Variants in DCDC1 observed in about 807,000 individuals in gnomAD.
DCDC1 encodes doublecortin domain containing 1.
DCDC1 carries 200 observed loss-of-function variants against 178.3 expected under a neutral mutation model. That is an observed-to-expected ratio of 1.12 (90% CI 1.00 to 1.26). The LOEUF is 1.26. Ranked by LOEUF, DCDC1 falls within the 50% of genes most tolerant of loss-of-function variation. DCDC1 has a pLI of 0.00. For missense variants in DCDC1, 1,983 were observed against 1,749.2 expected, an observed-to-expected ratio of 1.13 and a Z score of -2.38; for synonymous variants, 690 against 604.8, an observed-to-expected ratio of 1.14 and a Z score of -2.07.
intron 9 of DCDC1, among the ~76,000 whole-genome samples, chr11:31,169,757 C>A (rs931451267): frequency 1.3e-5 from 2 of 152,100 alleles, no homozygotes; most frequent in African/African-American, 4.8e-5. Flanking sequence ...AAACACAAGG[C>A]AGAAAGTAGT....
intron 9 of DCDC1, among the ~76,000 whole-genome samples, chr11:31,176,981 A>G (rs1224689503): frequency 1.3e-5 from 2 of 152,180 alleles, no homozygotes; most frequent in African/African-American, 4.8e-5. Context: ...TAATAGAAGT[A>G]AATTCATAAA....
rs774593672 is a variant in DCDC1, at chr11:30,915,499, T to C, written c.3653+12A>G. 3.7e-6 allele frequency: 6 copies of C among 1,613,600 alleles called. No homozygotes were observed. The highest frequency in any genetic ancestry group is 5.1e-6 in the Non-Finnish European group (6 of 1,179,708). ...CCTTTTGATATAGTAAACCCAAATA[T>C]AATGGGATTACCTGCTGTCTTCCTG... On this transcript the variant is annotated intron_variant, in intron 27 of 38. Transcript: ENST00000684477.
intron 20 of DCDC1, among the ~76,000 whole-genome samples, chr11:31,036,515 T>C (rs1954037769): frequency 6.6e-6 from 1 of 152,186 alleles, no homozygotes; most frequent in Non-Finnish European, 1.5e-5. Flanking sequence ...ACCTGTCTCC[T>C]GCTCTAAACC....
chr11:31,241,743 T>A, intron 8 of DCDC1, 127 bp from the exon 9 acceptor site: 2 of 388,108 alleles, frequency 5.2e-6, no homozygotes, highest in Non-Finnish European at 9.1e-6. Flanking sequence ...CTGGGTTAAG[T>A]CTTAGAGAGG....
At chr11:30,992,313 C>G (rs1254353628) in intron 20 of DCDC1, 1 of 152,124 alleles carries the variant, frequency 6.6e-6, no homozygotes, top group Non-Finnish European at 1.5e-5. Flanking sequence ...AGGGTTAACC[C>G]CTTGCAGTGA....
chr11:31,070,193 T>G (rs1590941895), intron 18 of DCDC1, among the ~76,000 whole-genome samples: 1 of 152,174 alleles, frequency 6.6e-6, no homozygotes, highest in Admixed American at 6.5e-5. Context: ...CAGGTGATCT[T>G]GACCTCCAAT....
chr11:31,187,648 G>A (rs1969662794), intron 9 of DCDC1, among the ~76,000 whole-genome samples: 1 of 152,162 alleles, frequency 6.6e-6, no homozygotes. Flanking sequence ...TCACATAGCA[G>A]TATAAAATAA....
At chr11:30,990,115 A>C (rs551789437) in intron 20 of DCDC1, among the ~76,000 whole-genome samples, 44 of 152,288 alleles carry the variant, frequency 2.9e-4, no homozygotes, top group African/African-American at 1.0e-3. Context: ...AAAAGGCACA[A>C]TCAGAGCTGC....
intron 9 of DCDC1, among the ~76,000 whole-genome samples, chr11:31,168,785 TG>T (rs1389960392): frequency 7.0e-6 from 1 of 141,914 alleles, no homozygotes; most frequent in Non-Finnish European, 1.6e-5. Flanking sequence ...AAGGAGTAAA[TG>T]TGAGTGTGTG....
intron 29 of DCDC1, 117 bp downstream of exon 29, chr11:30,908,829 T>C: frequency 1.2e-6 from 1 of 810,838 alleles, no homozygotes; most frequent in Non-Finnish European, 1.8e-6. Context: ...CACTCAAAAA[T>C]CAGCATTCAA....
intron 7 of DCDC1, among the ~76,000 whole-genome samples, chr11:31,267,440 C>T (rs1454999331): frequency 6.6e-6 from 1 of 152,208 alleles, no homozygotes; most frequent in Non-Finnish European, 1.5e-5. Flanking sequence ...GATCCACCTG[C>T]CTCAGCCTCC....
chr11:31,153,032 C>T, intron 9 of DCDC1, among the ~76,000 whole-genome samples: 1 of 152,254 alleles, frequency 6.6e-6, no homozygotes, highest in South Asian at 2.1e-4. Context: ...ATTCTCAATA[C>T]TGGGTCAAAA....
intron 2 of DCDC1, among the ~76,000 whole-genome samples, chr11:31,334,179 A>G (rs1431850301): frequency 6.6e-6 from 1 of 152,198 alleles, no homozygotes; most frequent in African/African-American, 2.4e-5. Context: ...TCAGCTACTG[A>G]AGCTCATGCA....
intron 20 of DCDC1, 52 bp downstream of exon 20, chr11:31,064,417 G>A (rs1236836891): frequency 1.5e-6 from 1 of 672,288 alleles, no homozygotes; most frequent in East Asian, 2.5e-5. Context: ...GAAACTGAAG[G>A]AAAATATCGA....
At position 30,925,361 on chromosome 11, in the gene DCDC1, T is replaced by C. The variant is rs147823202; in HGVS notation, c.2945A>G (p.Asn982Ser). The change falls in exon 23 of 39, where the codon AAT (asparagine) becomes AGT (serine). Residue 982 changes from asparagine to serine, a missense_variant. Physicochemically the swap from Asn to Ser is conservative, Grantham distance 46. Transcript: ENST00000684477. ...GGCAAATATTTCCTTCCCCTTTTCA[T>C]TGTACAATCTCCGAGCTGCAGAAGG... ...NLPSAARRLY[N>S]EKGKEIFALK... 3.1e-5 allele frequency: 50 copies of C among 1,613,712 alleles called. No individual in the cohort carries two copies. Among genetic ancestry groups the C allele is most frequent in the Admixed American group, 1.2e-4 (7 of 59,988 alleles).
At chr11:31,020,822 G>C (rs1023788834) in intron 20 of DCDC1, among the ~76,000 whole-genome samples, 5 of 151,970 alleles carry the variant, frequency 3.3e-5, no homozygotes, top group Admixed American at 1.3e-4. Flanking sequence ...TTCACTATAA[G>C]TAAACTCGAA....
At chr11:31,247,374 C>A (rs1008107497) in intron 8 of DCDC1, among the ~76,000 whole-genome samples, 2 of 151,620 alleles carry the variant, frequency 1.3e-5, no homozygotes, top group African/African-American at 4.8e-5. Flanking sequence ...ATTGTTAATG[C>A]CTTGCTGCTT....
At chr11:31,160,789 T>A (rs1966242266) in intron 9 of DCDC1, among the ~76,000 whole-genome samples, 1 of 152,210 alleles carries the variant, frequency 6.6e-6, no homozygotes, top group African/African-American at 2.4e-5. Flanking sequence ...AAAATGCTTA[T>A]CGCACAATTT....
chr11:30,884,492 G>A (rs1170063599), intron 36 of DCDC1, among the ~76,000 whole-genome samples: 2 of 151,910 alleles, frequency 1.3e-5, no homozygotes, highest in Non-Finnish European at 2.9e-5. Flanking sequence ...AATTTAATAC[G>A]ACTTCATTCT....
Sources: gnomAD v4.1 joint callset for allele counts (sites outside exome capture counted in the v4.1 genomes callset) on GRCh38, gnomAD v4.1.1 for gene constraint, MANE v1.5 for transcripts, NCBI Gene and HGNC (gene_info 2026-07-23, HGNC 2026-07-21) for gene names.